KCTD1: variants seen among roughly 807,000 people sequenced by gnomAD.
KCTD1 encodes the protein BTB/POZ domain-containing protein KCTD1.
KCTD1 carries 24 observed loss-of-function variants against 66.0 expected under a neutral mutation model. The observed-to-expected ratio is 0.36, with a 90% CI of 0.26 to 0.51. The LOEUF is 0.51. Ranked by LOEUF, KCTD1 falls within the 20% of genes least tolerant of loss-of-function variation. KCTD1 has a pLI of 0.95. For missense variants in KCTD1, 943 were observed against 1,205.2 expected (o/e 0.78, Z 3.22); for synonymous variants, 511 against 517.2 (o/e 0.99, Z 0.16).
chr18:26,515,937 G>GT lies in KCTD1; in HGVS notation c.1810-14688dup, dbSNP rs113209522. The stretch of plus-strand genomic sequence containing the variant: ...AGAGCCCAGCTTAATTTCATTAGAT[G>GT]TTTTTTTAAAGCAAAAGACACAGTA... On this transcript the variant is annotated intron_variant, in intron 1 of 4. Coordinates refer to ENST00000580059, the MANE Select transcript of KCTD1 (RefSeq NM_001142730.3). Among the ~76,000 whole-genome samples, 92 of 152,268 alleles carry GT rather than the reference G, an allele frequency of 6.0e-4. 1 individual carries two copies. The highest frequency in any genetic ancestry group is 2.0e-3 in the African/African-American group (85 of 41,554).
At chr18:26,633,874 T>C (rs945421467), upstream of KCTD1, among the ~76,000 whole-genome samples, 3 of 152,210 alleles carry the variant, frequency 2.0e-5, no homozygotes, top group Non-Finnish European at 4.4e-5. Context: ...GAAATGTAAA[T>C]TGTACAGCAT....
chr18:26,583,534 T>C (rs1986407350), intron 1 of KCTD1, among the ~76,000 whole-genome samples: 1 of 152,180 alleles, frequency 6.6e-6, no homozygotes, highest in Non-Finnish European at 1.5e-5. Flanking sequence ...GTAATCTGGC[T>C]TCATGTGTGA....
Position 26,459,768 on chromosome 18 carries a change from G to GTGA in KCTD1, c.2288_2290dup (p.Ile763dup). 1 of 1,614,174 alleles carries GTGA rather than the reference G, an allele frequency of 6.2e-7. No homozygotes were observed. The highest frequency in any genetic ancestry group is 8.5e-7 in the Non-Finnish European group (1 of 1,180,034). On this transcript the variant is annotated inframe_insertion, in exon 4 of 5. Transcript: ENST00000580059. ...TATCAAGGATTTGTCACCGCTTAGC[G>GTGA]TGATCCTTTCTCCGAGGTCTGGGGC... is the stretch of plus-strand genomic sequence containing the variant.
chr18:26,586,043 C>T (rs550204125), intron 1 of KCTD1, among the ~76,000 whole-genome samples: 12 of 152,222 alleles, frequency 7.9e-5, no homozygotes, highest in African/African-American at 2.9e-4. Context: ...TCTTAAAAAA[C>T]AAAACAAAAC....
At chr18:26,622,740 G>A (rs977254004) in intron 1 of KCTD1, among the ~76,000 whole-genome samples, 1 of 152,148 alleles carries the variant, frequency 6.6e-6, no homozygotes, top group Non-Finnish European at 1.5e-5. Flanking sequence ...GAGCCTACCA[G>A]ATGGGTAGGG....
At chr18:26,478,632 GAATGAGTGATT>G (rs1487340259) in intron 2 of KCTD1, among the ~76,000 whole-genome samples, 2 of 152,222 alleles carry the variant, frequency 1.3e-5, no homozygotes, top group African/African-American at 4.8e-5. Context: ...CGCTTGCACA[GAATGAGTGATT>G]AATAAACCTA....
chr18:26,609,944 G>T (rs1987097943), intron 1 of KCTD1, among the ~76,000 whole-genome samples: 1 of 152,150 alleles, frequency 6.6e-6, no homozygotes, highest in Non-Finnish European at 1.5e-5. Flanking sequence ...GCAAAATGGG[G>T]ATATTTGCAC....
chr18:26,643,571 G>A (rs530589587), upstream of KCTD1, among the ~76,000 whole-genome samples: 1 of 152,368 alleles, frequency 6.6e-6, no homozygotes, highest in Admixed American at 6.5e-5. Flanking sequence ...TATCTGATAA[G>A]TGGGAATGAG....
intron 1 of KCTD1, among the ~76,000 whole-genome samples, chr18:26,619,490 G>A (rs548308245): frequency 2.5e-4 from 38 of 152,268 alleles, no homozygotes; most frequent in Non-Finnish European, 2.9e-5. Flanking sequence ...TGACACTGTG[G>A]GTTGTCTCAG....
At chr18:26,478,246 A>G (rs1981449687) in intron 2 of KCTD1, among the ~76,000 whole-genome samples, 1 of 152,226 alleles carries the variant, frequency 6.6e-6, no homozygotes, top group Non-Finnish European at 1.5e-5. Context: ...TACTTTATAT[A>G]TGTAACAAAT....
chr18:26,636,559 A>G (rs1341267310), intron 1 of KCTD1, among the ~76,000 whole-genome samples: 1 of 152,142 alleles, frequency 6.6e-6, no homozygotes, highest in Non-Finnish European at 1.5e-5. Context: ...CTGAATTTCT[A>G]TTGGGTTGGG....
At chr18:26,544,431 A>G (rs1209729056) in intron 1 of KCTD1, 1 of 152,218 alleles carries the variant, frequency 6.6e-6, no homozygotes, top group East Asian at 1.9e-4. Flanking sequence ...AAATCAAAAC[A>G]TCAGTGTGTG....
intron 1 of KCTD1, among the ~76,000 whole-genome samples, chr18:26,582,828 T>C (rs1262831600): frequency 1.3e-5 from 2 of 152,166 alleles, no homozygotes; most frequent in East Asian, 3.9e-4. Flanking sequence ...AAAGGATTTA[T>C]ATGGAGTTCT....
At chr18:26,550,216 C>A (rs1353344379), upstream of KCTD1, among the ~76,000 whole-genome samples, 1 of 152,226 alleles carries the variant, frequency 6.6e-6, no homozygotes, top group Non-Finnish European at 1.5e-5. The surrounding 1 kb of genome is among the most constrained non-coding windows in gnomAD (Gnocchi z 5.4). Context: ...AGTCCGAATT[C>A]TCGGCAGTTA....
intron 3 of KCTD1, among the ~76,000 whole-genome samples, chr18:26,460,587 G>T (rs75524795): frequency 6.6e-6 from 1 of 152,164 alleles, no homozygotes; most frequent in Non-Finnish European, 1.5e-5. Flanking sequence ...CTAGTGTACT[G>T]CCCTGTGCCA....
In KCTD1 at chr18:26,468,528, C is replaced by T. The variant is rs1980872710; in HGVS notation, c.2133+7987G>A. On this transcript the variant is annotated intron_variant, in intron 3 of 4. Transcript: ENST00000580059. This position sits in a 1 kb window ranked among gnomAD's most constrained non-coding sequence, Gnocchi z 4.8. Reference sequence around the variant, plus strand: ...CAAACTTAGTGAAAGAGATTCTCTCCTCATGCAAAAAACCATGTCCTGGCC... The same window carrying T: ...CAAACTTAGTGAAAGAGATTCTCTCTTCATGCAAAAAACCATGTCCTGGCC... Among the ~76,000 whole-genome samples the T allele has an allele frequency of 6.6e-6, 1 of 152,080 alleles. No homozygotes were observed. The highest frequency in any genetic ancestry group is 2.4e-5 in the African/African-American group (1 of 41,398).
chr18:26,547,435 C>G lies in KCTD1; in HGVS notation c.1102G>C (p.Glu368Gln). ...GGCAAGTTCTCCTCGTCGCTGCTCT[C>G]GGCGCGCTTCTTGCTCCACGACGAC... ...RSSSWSKKRAESSDEENLPRM... is the reference protein window; with the variant it reads ...RSSSWSKKRAQSSDEENLPRM... Residue 368 changes from glutamate to glutamine, a missense_variant, in exon 1 of 5, where the codon GAG (glutamate) becomes CAG (glutamine). Physicochemically the swap from Glu to Gln is conservative, Grantham distance 29 (BLOSUM62 2). Around this residue, in one of 10 missense-constraint regions of KCTD1, gnomAD observed 66 missense variants for 61.6 expected, o/e 1.07. Transcript: ENST00000580059. The G allele has an allele frequency of 6.4e-7, 1 of 1,551,396 alleles. No homozygotes were observed. The highest frequency in any genetic ancestry group is 8.7e-7 in the Non-Finnish European group (1 of 1,146,842).
At chr18:26,575,843 T>G (rs1246119025) in intron 1 of KCTD1, among the ~76,000 whole-genome samples, 1 of 152,188 alleles carries the variant, frequency 6.6e-6, no homozygotes, top group Non-Finnish European at 1.5e-5. Context: ...GATCTTTTGA[T>G]TATTGGAGCT....
Position 26,618,660 on chromosome 18 carries a change from A to G in KCTD1, c.-16+10487T>C, listed in dbSNP as rs568835167. Among the ~76,000 whole-genome samples the G allele has an allele frequency of 5.3e-5, 8 of 152,348 alleles. No individual in the cohort carries two copies. In the East Asian group the frequency reaches 1.5e-3, roughly 29 times the overall value. On this transcript the variant is annotated intron_variant, in intron 1 of 4. Transcript: ENST00000317932. ...CACGACTCGATGTGCTGCAAATCCA[A>G]TTAGTTTCAACCATTTTCCAAATCA...
Sources: allele counts gnomAD v4.1 joint callset (sites outside exome capture counted in the v4.1 genomes callset), GRCh38; gene constraint gnomAD v4.1.1; regional missense constraint gnomAD v4.1.1; non-coding constraint Gnocchi (gnomAD v3.1); transcripts MANE v1.5; gene names NCBI Gene and HGNC (gene_info 2026-07-23, HGNC 2026-07-21).